NTSR1: variants seen among roughly 807,000 people sequenced by gnomAD.
NTSR1 encodes the protein neurotensin receptor type 1.
NTSR1 carries 29 observed loss-of-function variants against 31.2 expected under a neutral mutation model. The ratio of observed to expected loss-of-function variants is 0.93; its 90% CI spans 0.69 to 1.27. The LOEUF is 1.27. NTSR1 is among the 50% of genes most tolerant of loss of function. The pLI is 0.00. For synonymous variants in NTSR1, 282 were observed against 269.9 expected, an observed-to-expected ratio of 1.04 and a Z score of -0.44; for missense variants, 697 against 595.4, an observed-to-expected ratio of 1.17 and a Z score of -1.78.
intron 1 of NTSR1, among the ~76,000 whole-genome samples, chr20:62,719,633 CTG>C (rs1988798620): frequency 7.2e-6 from 1 of 137,976 alleles, no homozygotes; most frequent in Non-Finnish European, 1.6e-5. Flanking sequence ...CTTTTTGTCT[CTG>C]TGAATTTGAC....
intron 1 of NTSR1, among the ~76,000 whole-genome samples, chr20:62,748,900 C>T (rs902108794): frequency 5.3e-5 from 8 of 152,194 alleles, no homozygotes; most frequent in Non-Finnish European, 1.0e-4. Flanking sequence ...ATGCCCCATG[C>T]CACGGCGGAA....
intron 1 of NTSR1, among the ~76,000 whole-genome samples, chr20:62,724,061 G>A (rs1302459065): frequency 1.3e-5 from 2 of 152,164 alleles, no homozygotes; most frequent in African/African-American, 2.4e-5. Flanking sequence ...CTGCCCAAAC[G>A]GCCCCACTGT....
chr20:62,742,843 G>A lies in NTSR1; in HGVS notation c.715-11842G>A, dbSNP rs889592035. 1.7e-4 allele frequency among the ~76,000 whole-genome samples: 25 copies of A among 149,430 alleles called. 2 individuals are homozygous for A. Among genetic ancestry groups the A allele is most frequent in the Admixed American group, 5.4e-4 (8 of 14,914 alleles). ...CACCAGGGTTCCCATCCCTCTCCCC[G>A]CAGTGTTTCCCCAGTTCCAGGGCTG... On this transcript the variant is annotated intron_variant, in intron 1 of 3. Transcript: ENST00000370501. The surrounding 1 kb of genome is among the most constrained non-coding windows in gnomAD (Gnocchi z 7.1).
At chr20:62,723,585 C>G (rs910315979) in intron 1 of NTSR1, among the ~76,000 whole-genome samples, 2 of 152,192 alleles carry the variant, frequency 1.3e-5, no homozygotes, top group Non-Finnish European at 2.9e-5. Flanking sequence ...CTGGGCTGAC[C>G]CCATGGTGGA....
At position 62,744,426 on chromosome 20, in the gene NTSR1, G is replaced by T. The variant is rs951688786; in HGVS notation, c.715-10259G>T. 6.6e-6 allele frequency among the ~76,000 whole-genome samples: 1 copy of T among 152,062 alleles called. No homozygotes were observed. Among genetic ancestry groups the T allele is most frequent in the Non-Finnish European group, 1.5e-5 (1 of 68,024 alleles). Reference sequence around the variant, plus strand: ...AAAAATTAGCCAGGCATGGCGGCGTGCACCTGTAGTCCCAGCTACTGGGGA... The same window carrying T: ...AAAAATTAGCCAGGCATGGCGGCGTTCACCTGTAGTCCCAGCTACTGGGGA... On this transcript the variant is annotated intron_variant, in intron 1 of 3. Coordinates refer to ENST00000370501, the MANE Select transcript of NTSR1 (RefSeq NM_002531.3). This position sits in a 1 kb window ranked among gnomAD's most constrained non-coding sequence, Gnocchi z 4.1.
At chr20:62,724,114 C>G (rs1310749012) in intron 1 of NTSR1, among the ~76,000 whole-genome samples, 1 of 152,214 alleles carries the variant, frequency 6.6e-6, no homozygotes, top group African/African-American at 2.4e-5. Context: ...AGATTCTGCC[C>G]CGCTCAGAAG....
chr20:62,731,300 T>A (rs559642139), intron 1 of NTSR1, among the ~76,000 whole-genome samples: 2 of 152,280 alleles, frequency 1.3e-5, no homozygotes, highest in East Asian at 3.9e-4. Flanking sequence ...GTCAGGCTGG[T>A]CTTGAACTCC....
At position 62,743,310 on chromosome 20, in the gene NTSR1, G is replaced by A; in HGVS notation, c.715-11375G>A. Among the ~76,000 whole-genome samples the A allele has an allele frequency of 7.0e-6, 1 of 142,258 alleles. No individual in the cohort carries two copies. Among genetic ancestry groups the A allele is most frequent in the East Asian group, 2.9e-4 (1 of 3,452 alleles). The allele number at this position is 142,258 out of a possible 152,430, so 93.3% of individuals were successfully genotyped here. A position where few individuals can be genotyped will look rare whatever the true frequency, so the allele number is the denominator to read the frequency against. ...CGAACAAGCCTGTGCTGACGGCCCT[G>A]GCACACAGGGTTTCTGAATTAACTC... On this transcript the variant is annotated intron_variant, in intron 1 of 3. Transcript: ENST00000370501. The surrounding 1 kb of genome is among the most constrained non-coding windows in gnomAD (Gnocchi z 7.5).
intron 1 of NTSR1, among the ~76,000 whole-genome samples, chr20:62,753,084 C>G (rs1989421198): frequency 1.3e-5 from 2 of 152,204 alleles, no homozygotes; most frequent in Non-Finnish European, 2.9e-5. Flanking sequence ...CCATGCATGT[C>G]CTCTGATCTG....
chr20:62,759,983 C>A, intron 3 of NTSR1, 35 bp from the exon 4 acceptor site: 3 of 1,605,022 alleles, frequency 1.9e-6, no homozygotes, highest in African/African-American at 1.3e-5. Flanking sequence ...CTCAAGAGTT[C>A]TCTCTGGGAT....
In NTSR1 at chr20:62,714,790, A is replaced by G. The variant is rs115939085; in HGVS notation, c.714+4869A>G. On this transcript the variant is annotated intron_variant, in intron 1 of 3. Transcript: ENST00000370501. The surrounding 1 kb of genome is among the most constrained non-coding windows in gnomAD (Gnocchi z 4.1). Reference sequence around the variant, plus strand: ...AGACGGTGGCCTGGTTTCTTAGCAAAGACTCGGACAAGTCAACCTGTCGCA... The same window carrying G: ...AGACGGTGGCCTGGTTTCTTAGCAAGGACTCGGACAAGTCAACCTGTCGCA... 5.7e-3 allele frequency among the ~76,000 whole-genome samples: 864 copies of G among 152,344 alleles called. 14 individuals are homozygous for G. The highest frequency in any genetic ancestry group is 0.02 in the African/African-American group (835 of 41,582).
At chr20:62,737,520 G>T (rs1250674429) in intron 1 of NTSR1, among the ~76,000 whole-genome samples, 2 of 152,176 alleles carry the variant, frequency 1.3e-5, no homozygotes, top group African/African-American at 4.8e-5. Context: ...CTTGCAGGGA[G>T]GGGCCGAGCA....
intron 1 of NTSR1, among the ~76,000 whole-genome samples, chr20:62,740,043 T>C (rs1444927507): frequency 3.9e-5 from 6 of 152,260 alleles, no homozygotes; most frequent in Admixed American, 1.3e-4. Context: ...GCTGGGGCTT[T>C]GCACAAACTC....
Position 62,750,947 on chromosome 20 carries a change from C to T in NTSR1, c.715-3738C>T, listed in dbSNP as rs1053832408. Among the ~76,000 whole-genome samples the T allele has an allele frequency of 4.6e-5, 7 of 152,176 alleles. No homozygotes were observed. In the East Asian group the frequency reaches 1.3e-3, roughly 29 times the overall value. ...CTGGAGTGCAGTGGCGAAGTCATAG[C>T]TCACTGTAGCCTCAAACTCCTGGGC... On this transcript the variant is annotated intron_variant, in intron 1 of 3. Coordinates refer to ENST00000370501, the MANE Select transcript of NTSR1 (RefSeq NM_002531.3).
At position 62,733,077 on chromosome 20, in the gene NTSR1, G is replaced by A. The variant is rs1373322270; in HGVS notation, c.715-21608G>A. ...CCCGCAGGCGTGGCCCTGAGGCCAC[G>A]TATCCAAGCAGCAGTGCCGTGCATA... On this transcript the variant is annotated intron_variant, in intron 1 of 3. Transcript: ENST00000370501. This position sits in a 1 kb window ranked among gnomAD's most constrained non-coding sequence, Gnocchi z 5.2. 2 of 152,112 alleles carry A rather than the reference G, an allele frequency of 1.3e-5. No individual in the cohort carries two copies. The highest frequency in any genetic ancestry group is 2.4e-5 in the African/African-American group (1 of 41,396). 9.4% of individuals were successfully genotyped at this position (152,112 alleles called of 1,614,324 possible). A position where few individuals can be genotyped will look rare whatever the true frequency, so the allele number is the denominator to read the frequency against.
chr20:62,740,703 G>A (rs940574012), intron 1 of NTSR1, among the ~76,000 whole-genome samples: 1 of 152,240 alleles, frequency 6.6e-6, no homozygotes, highest in Non-Finnish European at 1.5e-5. Context: ...GGTGGGGGCC[G>A]TGACCGGGGC....
intron 1 of NTSR1, among the ~76,000 whole-genome samples, chr20:62,752,551 G>T (rs748974892): frequency 2.0e-5 from 3 of 152,204 alleles, no homozygotes; most frequent in Non-Finnish European, 4.4e-5. Flanking sequence ...CTCTGGAAAC[G>T]GCAGGATCCT....
chr20:62,718,510 C>T (rs948476657), intron 1 of NTSR1, among the ~76,000 whole-genome samples: 8 of 152,116 alleles, frequency 5.3e-5, no homozygotes, highest in African/African-American at 9.7e-5. Context: ...GAAGACACAC[C>T]GGCCCCCGCC....
chr20:62,716,370 G>A (rs777717251), intron 1 of NTSR1, among the ~76,000 whole-genome samples: 1 of 152,178 alleles, frequency 6.6e-6, no homozygotes. Context: ...AAGCACTTGA[G>A]GTTCTGGACA....
Sources: allele counts gnomAD v4.1 joint callset (sites outside exome capture counted in the v4.1 genomes callset), GRCh38; gene constraint gnomAD v4.1.1; non-coding constraint Gnocchi (gnomAD v3.1); transcripts MANE v1.5; gene names NCBI Gene and HGNC (gene_info 2026-07-23, HGNC 2026-07-21).